The following ANKRD30B variants were observed in gnomAD, a reference collection of about 807,000 sequenced individuals.
The protein encoded by ANKRD30B is ankyrin repeat domain 30B, also known as ankyrin repeat domain-containing protein 30B.
Under a neutral mutation model 202.2 loss-of-function variants are expected in ANKRD30B, and 144 were observed. The ratio of observed to expected loss-of-function variants is 0.71; its 90% CI spans 0.62 to 0.82. ANKRD30B has a LOEUF of 0.82. Among genes scored for constraint, ANKRD30B ranks in the 40% least tolerant of loss-of-function variants. The pLI is 0.00. For synonymous variants in ANKRD30B, 508 were observed against 561.3 expected, an observed-to-expected ratio of 0.91 and a Z score of 1.34; for missense variants, 1,487 against 1,669.1, an observed-to-expected ratio of 0.89 and a Z score of 1.90.
chr18:14,820,607 T>A (rs1462020743), intron 30 of ANKRD30B, among the ~76,000 whole-genome samples: 1 of 152,230 alleles, frequency 6.6e-6, no homozygotes, highest in Non-Finnish European at 1.5e-5. Context: ...TTTTTCTGCA[T>A]CTATTGAGAT....
At chr18:14,917,367 A>G in the ANKRD30B span, among the ~76,000 whole-genome samples, 1 of 151,422 alleles carries the variant, frequency 6.6e-6, no homozygotes, top group Admixed American at 6.6e-5. Context: ...TCCCTCTGTT[A>G]TCATTTTCCT....
chr18:14,909,009 C>T, the ANKRD30B span, among the ~76,000 whole-genome samples: 3 of 152,214 alleles, frequency 2.0e-5, no homozygotes, highest in Non-Finnish European at 4.4e-5. Context: ...GACAGGGAAG[C>T]TGTCGGAGGA....
chr18:14,897,065 G>T, the ANKRD30B span, among the ~76,000 whole-genome samples: 1 of 151,832 alleles, frequency 6.6e-6, no homozygotes, highest in Admixed American at 6.6e-5. Flanking sequence ...AGATCTTGAT[G>T]GATGAATAGA....
the ANKRD30B span, among the ~76,000 whole-genome samples, chr18:14,870,028 G>A: frequency 6.6e-6 from 1 of 152,170 alleles, no homozygotes; most frequent in South Asian, 2.1e-4. Flanking sequence ...TAGAGATGAG[G>A]TTTCACCATA....
intron 18 of ANKRD30B, among the ~76,000 whole-genome samples, chr18:14,797,196 A>C (rs1440843254): frequency 6.6e-6 from 1 of 152,110 alleles, no homozygotes; most frequent in Non-Finnish European, 1.5e-5. Flanking sequence ...TATCTTATCC[A>C]TATGGACAGG....
intron 41 of ANKRD30B, among the ~76,000 whole-genome samples, chr18:14,850,662 T>C (rs894441148): frequency 1.3e-5 from 2 of 151,842 alleles, no homozygotes; most frequent in Non-Finnish European, 3.0e-5. Flanking sequence ...GCAACATAGA[T>C]TAGTGTATTT....
In ANKRD30B at chr18:14,835,438, A is replaced by G. The variant is rs569571080; in HGVS notation, c.2848-1773A>G. Among the ~76,000 whole-genome samples, 6 of 151,648 alleles carry G rather than the reference A, an allele frequency of 4.0e-5. No homozygotes were observed. The South Asian group carries it at 1.3e-3, about 32-fold the overall frequency. On this transcript the variant is annotated intron_variant, in intron 34 of 43. Coordinates refer to ENST00000690538, the MANE Select transcript of ANKRD30B (RefSeq NM_001367607.2). The stretch of plus-strand genomic sequence containing the variant: ...CTTAAAAGTATCTCTTGCAATGGGG[A>G]TATTTTATATTATTTCCAGGAAGCC...
At chr18:14,834,523 A>G (rs1270446399) in intron 34 of ANKRD30B, among the ~76,000 whole-genome samples, 4 of 152,062 alleles carry the variant, frequency 2.6e-5, no homozygotes, top group African/African-American at 9.6e-5. Flanking sequence ...ATTATTTAAA[A>G]TAAAAATTAA....
Position 14,851,983 on chromosome 18 carries a change from G to A in ANKRD30B, c.4039G>A (p.Val1347Met), listed in dbSNP as rs559810706. The A allele has an allele frequency of 3.4e-5, 55 of 1,599,250 alleles. No individual in the cohort carries two copies. The African/African-American group carries it at 4.4e-4, about 13-fold the overall frequency. ...GAGTAATACAATATATAACAATGAG[G>A]TGCTCCATCAACCACTTTATGAAGC... ...DVSNTIYNNE[V>M]LHQPLYEAQR... is the part of the protein sequence containing the mutation. The change falls in exon 42 of 44, where the codon GTG (valine) becomes ATG (methionine). Residue 1347 changes from valine (V) to methionine (M), a missense_variant. Physicochemically the swap from Val to Met is conservative, Grantham distance 21. Transcript: ENST00000690538.
chr18:14,829,602 G>A, intron 33 of ANKRD30B, among the ~76,000 whole-genome samples: 1 of 152,160 alleles, frequency 6.6e-6, no homozygotes, highest in East Asian at 1.9e-4. Context: ...GTTTGATGAA[G>A]ATAAATTAGA....
intron 39 of ANKRD30B, among the ~76,000 whole-genome samples, chr18:14,844,598 C>T (rs534039822): frequency 6.6e-6 from 1 of 152,236 alleles, no homozygotes; most frequent in East Asian, 1.9e-4. Context: ...GGTATATATC[C>T]AGTAATGGGA....
intron 15 of ANKRD30B, 81 bp downstream of exon 15, chr18:14,787,181 C>G: frequency 7.8e-7 from 1 of 1,283,202 alleles, no homozygotes; most frequent in Non-Finnish European, 1.1e-6. Flanking sequence ...ACTTTATTTT[C>G]TCACCTCTGC....
At chr18:14,919,514 C>T in the ANKRD30B span, among the ~76,000 whole-genome samples, 7 of 152,130 alleles carry the variant, frequency 4.6e-5, no homozygotes, top group Non-Finnish European at 7.3e-5. Flanking sequence ...CCATGAGGGA[C>T]AAGAGATGCT....
In ANKRD30B at chr18:14,847,050, TTATATA is replaced by T. The variant is rs56871571; in HGVS notation, c.3182-1628_3182-1623del. Among the ~76,000 whole-genome samples, 636 of 110,992 alleles carry T rather than the reference TTATATA, an allele frequency of 5.7e-3. 3 individuals carry two copies. Among genetic ancestry groups the T allele is most frequent in the East Asian group, 0.014 (45 of 3,196 alleles). 72.8% of individuals were successfully genotyped at this position (110,992 alleles called of 152,430 possible). A position where few individuals can be genotyped will look rare whatever the true frequency, so the allele number is the denominator to read the frequency against. On this transcript the variant is annotated intron_variant, in intron 39 of 43. Transcript: ENST00000690538. ...GTTTAGTAATTTTTATGATTTAGTT[TTATATA>T]TATATATATATATATATATATATAT...
intron 16 of ANKRD30B, among the ~76,000 whole-genome samples, chr18:14,791,929 A>AC (rs1224431411): frequency 6.6e-6 from 1 of 152,126 alleles, no homozygotes; most frequent in African/African-American, 2.4e-5. Context: ...GCCAAAACAT[A>AC]CCAGAGAATT....
chr18:14,931,040 G>A, the ANKRD30B span, among the ~76,000 whole-genome samples: 1 of 152,338 alleles, frequency 6.6e-6, no homozygotes, highest in East Asian at 1.9e-4. Context: ...AGCATTTACA[G>A]AAGCATTCCT....
chr18:14,759,408 G>C (rs1914897537), intron 5 of ANKRD30B: 1 of 152,210 alleles, frequency 6.6e-6, no homozygotes, highest in African/African-American at 2.4e-5. Flanking sequence ...AAATATTTAT[G>C]TAAGGTGATC....
intron 15 of ANKRD30B, among the ~76,000 whole-genome samples, chr18:14,789,646 G>A (rs1405692636): frequency 6.6e-6 from 1 of 152,110 alleles, no homozygotes; most frequent in Admixed American, 6.5e-5. Context: ...ATTAAATAGG[G>A]AATCCTTTCC....
rs373004729 is a variant in ANKRD30B at position 14,760,758 on chromosome 18, A to G, written c.820+140A>G. 345 of 544,812 alleles carry G rather than the reference A, an allele frequency of 6.3e-4. 2 individuals carry two copies. Among genetic ancestry groups the G allele is most frequent in the African/African-American group, 5.9e-3 (291 of 49,632 alleles). The allele number at this position is 544,812 out of a possible 1,614,324, so 33.7% of individuals were successfully genotyped here. On this transcript the variant is annotated intron_variant, in intron 6 of 43. Transcript: ENST00000690538. ...TACATATATGTGGGTGTGTGTGTGT[A>G]TATATATGTATACATAGCTTTGATT...
Sources: gnomAD v4.1 joint callset for allele counts (sites outside exome capture counted in the v4.1 genomes callset) on GRCh38, gnomAD v4.1.1 for gene constraint, MANE v1.5 for transcripts, NCBI Gene and HGNC (gene_info 2026-07-23, HGNC 2026-07-21) for gene names.